Variants in FMN2 observed in about 807,000 individuals in gnomAD.
The protein encoded by FMN2 is formin-2.
FMN2 carries 51 observed loss-of-function variants against 142.3 expected under a neutral mutation model. The ratio of observed to expected loss-of-function variants is 0.36; its 90% CI spans 0.29 to 0.45. The LOEUF is 0.45. Among genes scored for constraint, FMN2 ranks in the 20% least tolerant of loss-of-function variants. FMN2 has a pLI of 1.00. For missense variants in FMN2, 1,936 were observed against 2,122.8 expected (o/e 0.91, Z 1.73); for synonymous variants, 882 against 869.8 (o/e 1.01, Z -0.25).
intron 6 of FMN2, among the ~76,000 whole-genome samples, chr1:240,227,228 C>T (rs1206891139): frequency 6.6e-6 from 1 of 152,032 alleles, no homozygotes; most frequent in African/African-American, 2.4e-5. Context: ...GAATAAGATA[C>T]TGAAGTATGG....
At chr1:240,210,960 CTTATCTCTCTT>C in intron 5 of FMN2, 120 bp from the exon 6 acceptor site, 1 of 732,100 alleles carries the variant, frequency 1.4e-6, no homozygotes, top group South Asian at 2.4e-5. Context: ...TTTTTTCCTT[CTTATCTCTCTT>C]CTTTTTCCCT....
intron 2 of FMN2, among the ~76,000 whole-genome samples, chr1:240,127,264 G>C (rs548212051): frequency 2.6e-5 from 4 of 152,072 alleles, no homozygotes; most frequent in East Asian, 3.9e-4. Context: ...ATAGAGACAG[G>C]GTTTCGCCAT....
Position 240,329,063 on chromosome 1 carries a change from T to C in FMN2, c.4216-13T>C, listed in dbSNP as rs193073162. The C allele has an allele frequency of 6.2e-7, 1 of 1,611,608 alleles. No individual in the cohort carries two copies. The highest frequency in any genetic ancestry group is 1.3e-5 in the African/African-American group (1 of 74,876). ...CCAGACTTTGAAAAACTATTTGGTT[T>C]TTGTTTTTCTAGAGAGCACAGTCAG... On this transcript the variant is annotated splice_polypyrimidine_tract_variant and intron_variant, in intron 8 of 17. Coordinates refer to ENST00000319653, the MANE Select transcript of FMN2 (RefSeq NM_020066.5).
chr1:240,126,208 C>T (rs1662496373), intron 2 of FMN2, among the ~76,000 whole-genome samples: 1 of 152,106 alleles, frequency 6.6e-6, no homozygotes, highest in South Asian at 2.1e-4. Flanking sequence ...ATGTGCTTAT[C>T]TATGGGGAGA....
At chr1:240,224,317 G>C (rs1667225515) in intron 6 of FMN2, among the ~76,000 whole-genome samples, 1 of 152,162 alleles carries the variant, frequency 6.6e-6, no homozygotes, top group Admixed American at 6.5e-5. Flanking sequence ...TTAATCCTGA[G>C]TTGTAATTTG....
intron 14 of FMN2, among the ~76,000 whole-genome samples, chr1:240,376,594 A>G (rs887748529): frequency 6.6e-6 from 1 of 152,104 alleles, no homozygotes; most frequent in Non-Finnish European, 1.5e-5. Context: ...CAGCATAACA[A>G]CTGTTTACAT....
intron 4 of FMN2, among the ~76,000 whole-genome samples, chr1:240,199,220 C>G (rs1035666456): frequency 8.5e-5 from 13 of 152,144 alleles, no homozygotes; most frequent in Non-Finnish European, 1.8e-4. Flanking sequence ...AGTAATGTTG[C>G]TTTAGAATTT....
chr1:240,124,851 A>G (rs534543517), intron 2 of FMN2, among the ~76,000 whole-genome samples: 1 of 152,194 alleles, frequency 6.6e-6, no homozygotes, highest in African/African-American at 2.4e-5. Context: ...TATTTTTAGT[A>G]GAGACGGGGT....
intron 15 of FMN2, among the ~76,000 whole-genome samples, chr1:240,400,201 A>G (rs1018164084): frequency 1.3e-5 from 2 of 152,180 alleles, no homozygotes; most frequent in Non-Finnish European, 2.9e-5. Flanking sequence ...AAGGCTGTGC[A>G]TAAGCTTACT....
chr1:240,333,242 A>G (rs926007799), intron 11 of FMN2, among the ~76,000 whole-genome samples: 3 of 152,182 alleles, frequency 2.0e-5, no homozygotes, highest in African/African-American at 7.2e-5. Flanking sequence ...GTTAGATATG[A>G]AACAATTTTA....
At chr1:240,206,467 GT>G (rs1468119745) in intron 4 of FMN2, among the ~76,000 whole-genome samples, 1 of 151,938 alleles carries the variant, frequency 6.6e-6, no homozygotes, top group Non-Finnish European at 1.5e-5. Flanking sequence ...AAAAACCAGT[GT>G]TCCTAGGCTG....
intron 6 of FMN2, among the ~76,000 whole-genome samples, chr1:240,247,033 G>A (rs985996152): frequency 1.3e-5 from 2 of 152,088 alleles, no homozygotes; most frequent in Admixed American, 1.3e-4. Flanking sequence ...TCATAGCAGT[G>A]GTTCGTAATG....
chr1:240,336,663 T>C (rs974322600), intron 13 of FMN2, among the ~76,000 whole-genome samples: 2 of 149,732 alleles, frequency 1.3e-5, no homozygotes, highest in Non-Finnish European at 3.0e-5. Flanking sequence ...CACTGAAACA[T>C]ATTTTGAGAA....
Position 240,123,220 on chromosome 1 carries a change from G to C in FMN2, c.1657G>C (p.Gly553Arg). Residue 553 changes from glycine (G) to arginine (R), a missense_variant, in exon 2 of 18, where the codon GGG becomes CGG. By Grantham distance (125) the Gly-to-Arg change is moderately radical. Transcript: ENST00000319653. ...GAAGCTGTTCAGCCAGCAGGAGAAC[G>C]GGCCTCCAGAAGAAGCAGAGAAGTT... is the stretch of plus-strand genomic sequence containing the variant. ...LEKLFSQQENGPPEEAEKFCS... is the reference protein window; with the variant it reads ...LEKLFSQQENRPPEEAEKFCS... 1 of 1,614,128 alleles carries C rather than the reference G, an allele frequency of 6.2e-7. No homozygotes were observed. The highest frequency in any genetic ancestry group is 8.5e-7 in the Non-Finnish European group (1 of 1,180,036).
At chr1:240,326,338 A>G (rs944076833) in intron 8 of FMN2, among the ~76,000 whole-genome samples, 16 of 152,322 alleles carry the variant, frequency 1.1e-4, no homozygotes, top group African/African-American at 3.8e-4. Context: ...GTGAGCAGAA[A>G]TGGTCTAATA....
intron 6 of FMN2, among the ~76,000 whole-genome samples, chr1:240,256,193 G>A (rs139471314): frequency 1.1e-4 from 17 of 152,172 alleles, no homozygotes; most frequent in African/African-American, 4.1e-4. Flanking sequence ...TGGTTTTCAG[G>A]ACAGAGTATA....
intron 7 of FMN2, among the ~76,000 whole-genome samples, chr1:240,274,359 T>C (rs894594423): frequency 6.6e-6 from 1 of 151,598 alleles, no homozygotes; most frequent in Admixed American, 6.6e-5. Context: ...GGAAAGAGCA[T>C]GTGAGGGAAA....
chr1:240,178,812 T>A (rs572146667), intron 3 of FMN2, among the ~76,000 whole-genome samples: 1 of 152,322 alleles, frequency 6.6e-6, no homozygotes, highest in Non-Finnish European at 1.5e-5. Context: ...TTCTGAAGCA[T>A]GAGTGAGGAG....
rs548588264 is a variant in FMN2 at position 240,167,856 on chromosome 1, C to T, written c.1783-10065C>T. 2.0e-5 allele frequency among the ~76,000 whole-genome samples: 3 copies of T among 152,064 alleles called. No homozygotes were observed. The South Asian group carries it at 6.2e-4, about 32-fold the overall frequency. On this transcript the variant is annotated intron_variant, in intron 2 of 17. Transcript: ENST00000319653. ...CTTTGGGAGGCCGAGGCGAGTGGAT[C>T]GCTTGAGGTCAGGAGTTCGAGACCA...
Sources: allele counts gnomAD v4.1 joint callset (sites outside exome capture counted in the v4.1 genomes callset), GRCh38; gene constraint gnomAD v4.1.1; transcripts MANE v1.5; gene names NCBI Gene and HGNC (gene_info 2026-07-23, HGNC 2026-07-21).